Variants in RASA3 observed in about 807,000 individuals in gnomAD.
The protein encoded by RASA3 is RAS p21 protein activator 3.
A neutral mutation model predicts 110.0 loss-of-function variants in RASA3; 73 were observed. The ratio of observed to expected loss-of-function variants is 0.66; its 90% CI spans 0.55 to 0.81. The LOEUF (loss-of-function observed/expected upper bound fraction) is 0.81, where lower values mean the gene tolerates loss of function less well. RASA3 is among the 30% of genes least tolerant of loss of function. RASA3 has a pLI of 0.00. For missense variants in RASA3, 976 were observed against 1,113.2 expected (o/e 0.88, Z 1.75); for synonymous variants, 500 against 451.4 (o/e 1.11, Z -1.37).
At chr13:114,032,382 C>G (rs2054185812) in intron 4 of RASA3, among the ~76,000 whole-genome samples, 1 of 152,148 alleles carries the variant, frequency 6.6e-6, no homozygotes, top group Admixed American at 6.5e-5. Context: ...ACCCATGGGC[C>G]ACACGTCGTG....
chr13:114,105,167 G>A (rs1372162117), intron 1 of RASA3, among the ~76,000 whole-genome samples: 1 of 152,102 alleles, frequency 6.6e-6, no homozygotes, highest in Non-Finnish European at 1.5e-5. Context: ...ACCTCAGAAG[G>A]GTGGGTGGGG....
In RASA3 at chr13:114,127,026, C is replaced by T. The variant is rs140533043; in HGVS notation, c.55+5409G>A. 8.3e-3 allele frequency among the ~76,000 whole-genome samples: 1,268 copies of T among 152,330 alleles called. 58 individuals are homozygous for T. The highest frequency in any genetic ancestry group is 0.061 in the Admixed American group (937 of 15,304). ...ACTTTCAAAACCTTAGCAGCCATCA[C>T]TTTGCTTGTGGCTGTTTCCAGCCAA... On this transcript the variant is annotated intron_variant, in intron 1 of 23. Coordinates refer to ENST00000334062, the MANE Select transcript of RASA3 (RefSeq NM_007368.4).
chr13:113,995,812 G>T (rs1275769718), intron 21 of RASA3, among the ~76,000 whole-genome samples: 3 of 24,524 alleles, frequency 1.2e-4, no homozygotes, highest in African/African-American at 1.1e-3. Context: ...ATGGGGGTCC[G>T]GCTGACGGGG....
chr13:113,984,715 G>GTCCA (rs1183123713), intron 22 of RASA3, among the ~76,000 whole-genome samples: 1 of 95,694 alleles, frequency 1.0e-5, no homozygotes, highest in Admixed American at 1.1e-4. Context: ...CACTCACCCT[G>GTCCA]TCCATCCATC....
Position 114,038,483 on chromosome 13 carries a change from C to T in RASA3, c.372+2517G>A, listed in dbSNP as rs563542253. On this transcript the variant is annotated intron_variant, in intron 4 of 23. Transcript: ENST00000334062. Reference sequence around the variant, plus strand: ...AGGAAGCAGAGTTAATTAAGTGTGACGCACAATTAGCACAGGTCCCTTGGG... The same window carrying T: ...AGGAAGCAGAGTTAATTAAGTGTGATGCACAATTAGCACAGGTCCCTTGGG... Among the ~76,000 whole-genome samples, 30 of 152,356 alleles carry T rather than the reference C, an allele frequency of 2.0e-4. 1 individual carries two copies. In the South Asian group the frequency reaches 3.9e-3, roughly 20 times the overall value.
At chr13:114,113,007 A>G (rs2080238300) in intron 1 of RASA3, among the ~76,000 whole-genome samples, 1 of 152,186 alleles carries the variant, frequency 6.6e-6, no homozygotes, top group Admixed American at 6.5e-5. Flanking sequence ...GAGGCCGACC[A>G]GGACTCCAGA....
In RASA3 at chr13:114,010,059, G is replaced by GTTT. The variant is rs566840386; in HGVS notation, c.1591-596_1591-595insAAA. 6.0e-3 allele frequency among the ~76,000 whole-genome samples: 917 copies of GTTT among 152,332 alleles called. 4 individuals are homozygous for GTTT. Among genetic ancestry groups the GTTT allele is most frequent in the African/African-American group, 0.021 (877 of 41,568 alleles). The stretch of plus-strand genomic sequence containing the variant: ...TGGGTTTGGTGCAGACCTCGGAGGA[G>GTTT]GCTCAAGTGCCTGTTATGGAGTTTC... On this transcript the variant is annotated intron_variant, in intron 16 of 23. Transcript: ENST00000334062.
chr13:114,132,284 G>C, intron 1 of RASA3, 151 bp downstream of exon 1: 1 of 828,212 alleles, frequency 1.2e-6, no homozygotes, highest in Non-Finnish European at 1.7e-6. Flanking sequence ...AGGGGCCGCG[G>C]AGCCGGACCA....
At chr13:114,131,988 G>A (rs1382155504) in intron 1 of RASA3, among the ~76,000 whole-genome samples, 2 of 152,284 alleles carry the variant, frequency 1.3e-5, no homozygotes, top group East Asian at 3.9e-4. Flanking sequence ...CGGAAAGGAA[G>A]TTTCTGGGCG....
chr13:114,128,394 G>A (rs1378897961), intron 1 of RASA3, among the ~76,000 whole-genome samples: 1 of 152,258 alleles, frequency 6.6e-6, no homozygotes, highest in Non-Finnish European at 1.5e-5. Context: ...CCTCCCGTGA[G>A]GGAGTCCATC....
intron 1 of RASA3, 69 bp from the exon 2 acceptor site, chr13:114,073,906 C>G (rs2079623376): frequency 7.5e-7 from 1 of 1,324,872 alleles, no homozygotes; most frequent in African/African-American, 1.4e-5. Flanking sequence ...ATCGCAGACA[C>G]GTTTCCAGCC....
intron 18 of RASA3, among the ~76,000 whole-genome samples, chr13:114,002,410 A>C (rs1041521259): frequency 2.6e-5 from 4 of 151,694 alleles, no homozygotes; most frequent in Non-Finnish European, 4.4e-5. Flanking sequence ...CCAGGGATTC[A>C]CAGGCAGGAA....
At position 114,009,435 on chromosome 13, in the gene RASA3, T is replaced by C. The variant is rs745506482; in HGVS notation, c.1620A>G (p.Thr540=). ...TCTGCTCATTGAAGAATTCATAAAATGTAGCCATGTAGGACTCCTTAAAAC... is the reference window on the plus strand; with the variant it reads ...TCTGCTCATTGAAGAATTCATAAAACGTAGCCATGTAGGACTCCTTAAAAC... The part of the protein sequence containing the change: ...SASFKESYMA[T]FYEFFNEQKY... Residue 540 remains threonine, a synonymous_variant, in exon 17 of 24, where the codon ACA becomes ACG. Transcript: ENST00000334062. 2 of 1,612,278 alleles carry C rather than the reference T, an allele frequency of 1.2e-6. No individual in the cohort carries two copies. Among genetic ancestry groups the C allele is most frequent in the Non-Finnish European group, 8.5e-7 (1 of 1,179,420 alleles).
Position 114,011,102 on chromosome 13 carries a change from C to A in RASA3, c.1590+69G>T. The A allele has an allele frequency of 1.5e-6, 2 of 1,379,124 alleles. No homozygotes were observed. The allele number at this position is 1,379,124 out of a possible 1,614,324, so 85.4% of individuals were successfully genotyped here. A position where few individuals can be genotyped will look rare whatever the true frequency, so the allele number is the denominator to read the frequency against. ...TCTCTCAAATGTGGGAGGTTTTTCA[C>A]GTGTATTTTCTGAAGAGAGAAAAGA... On this transcript the variant is annotated intron_variant, in intron 16 of 23. Transcript: ENST00000334062. This position sits in a 1 kb window ranked among gnomAD's most constrained non-coding sequence, Gnocchi z 4.8.
intron 1 of RASA3, among the ~76,000 whole-genome samples, chr13:114,083,154 A>G (rs920058541): frequency 6.6e-6 from 1 of 152,248 alleles, no homozygotes; most frequent in Admixed American, 6.5e-5. Flanking sequence ...TCATTCATCA[A>G]TGTCACAAGC....
intron 1 of RASA3, among the ~76,000 whole-genome samples, chr13:114,111,180 A>T (rs9562064): frequency 0.035 from 1,325 of 37,770 alleles, 26 homozygotes; most frequent in Middle Eastern, 0.12. Flanking sequence ...GGGCTGAGCC[A>T]CAAACGAGCT....
chr13:114,063,474 G>A (rs1031551946), intron 2 of RASA3, among the ~76,000 whole-genome samples: 4 of 151,744 alleles, frequency 2.6e-5, no homozygotes, highest in African/African-American at 9.7e-5. Context: ...AAATATAGAA[G>A]ATACGAATGG....
chr13:114,014,548 C>T lies in RASA3; in HGVS notation c.1405+661G>A, dbSNP rs553844196. On this transcript the variant is annotated intron_variant, in intron 14 of 23. Coordinates refer to ENST00000334062, the MANE Select transcript of RASA3 (RefSeq NM_007368.4). This position sits in a 1 kb window ranked among gnomAD's most constrained non-coding sequence, Gnocchi z 4.5. The stretch of plus-strand genomic sequence containing the variant: ...GCAAGGCCCTCGCTGAGCCTCTCAG[C>T]GCCCCATACATAGCCTGAGTCCTGG... Among the ~76,000 whole-genome samples the T allele has an allele frequency of 1.3e-5, 2 of 152,296 alleles. No homozygotes were observed. Among genetic ancestry groups the T allele is most frequent in the Admixed American group, 6.5e-5 (1 of 15,304 alleles).
At chr13:114,012,842 C>T (rs553660180) in intron 15 of RASA3, among the ~76,000 whole-genome samples, 18 of 127,512 alleles carry the variant, frequency 1.4e-4, no homozygotes, top group African/African-American at 5.3e-4. Context: ...CCCCATTCCA[C>T]ACACACTCCC....
Sources: gnomAD v4.1 joint callset for allele counts (sites outside exome capture counted in the v4.1 genomes callset) on GRCh38, gnomAD v4.1.1 for gene constraint, Gnocchi (gnomAD v3.1) non-coding constraint, MANE v1.5 for transcripts, NCBI Gene and HGNC (gene_info 2026-07-23, HGNC 2026-07-21) for gene names.